Variants in GRIA4 observed in about 807,000 individuals in gnomAD.
GRIA4 encodes the protein glutamate receptor 4.
In GRIA4, 34 loss-of-function variants were observed where a neutral mutation model predicts 104.0. The observed-to-expected ratio is 0.33, with a 90% confidence interval of 0.25 to 0.44. GRIA4 has a LOEUF of 0.44. Among genes scored for constraint, GRIA4 ranks in the 20% least tolerant of loss-of-function variants. The probability of loss-of-function intolerance (pLI) is 1.00; values close to 1 mark genes in which losing one functional copy is unlikely to be tolerated. For synonymous variants in GRIA4, 386 were observed against 381.9 expected, an observed-to-expected ratio of 1.01 and a Z score of -0.13; for missense variants, 750 against 1,096.5, an observed-to-expected ratio of 0.68 and a Z score of 4.46.
chr11:105,804,273 TG>T (rs1233582890), intron 4 of GRIA4, among the ~76,000 whole-genome samples: 2 of 151,960 alleles, frequency 1.3e-5, no homozygotes, highest in Non-Finnish European at 2.9e-5. Flanking sequence ...GCTGTCTTTT[TG>T]TTTTCCGTAA....
At chr11:105,657,221 C>A (rs765829287) in intron 3 of GRIA4, among the ~76,000 whole-genome samples, 21 of 151,964 alleles carry the variant, frequency 1.4e-4, no homozygotes, top group African/African-American at 5.1e-4. Flanking sequence ...ATTAATATAA[C>A]CTTAAGCTTT....
intron 3 of GRIA4, among the ~76,000 whole-genome samples, chr11:105,704,349 A>G (rs1953616279): frequency 6.6e-6 from 1 of 152,086 alleles, no homozygotes; most frequent in African/African-American, 2.4e-5. Flanking sequence ...TGACTAGATA[A>G]GGAGGTAGTG....
intron 4 of GRIA4, among the ~76,000 whole-genome samples, chr11:105,854,740 G>A (rs1400205433): frequency 6.6e-6 from 1 of 152,028 alleles, no homozygotes; most frequent in Non-Finnish European, 1.5e-5. Context: ...GGAATTAATG[G>A]TGACTGTGAT....
At chr11:105,675,902 C>G (rs1952520684) in intron 3 of GRIA4, among the ~76,000 whole-genome samples, 1 of 151,780 alleles carries the variant, frequency 6.6e-6, no homozygotes, top group African/African-American at 2.4e-5. Context: ...GTCTTGAGTT[C>G]TTTCATTTGT....
At chr11:105,935,995 GT>G (rs2136216134) in intron 14 of GRIA4, among the ~76,000 whole-genome samples, 1 of 152,200 alleles carries the variant, frequency 6.6e-6, no homozygotes, top group Non-Finnish European at 1.5e-5. Context: ...TATGCACTTT[GT>G]TTTATATATG....
intron 14 of GRIA4, among the ~76,000 whole-genome samples, chr11:105,938,579 C>T (rs574173365): frequency 5.3e-5 from 8 of 152,138 alleles, no homozygotes; most frequent in African/African-American, 1.7e-4. Flanking sequence ...TTTTTAGTGC[C>T]ATATTAAAAG....
intron 3 of GRIA4, among the ~76,000 whole-genome samples, chr11:105,719,851 T>G (rs1444235959): frequency 6.6e-6 from 1 of 152,010 alleles, no homozygotes; most frequent in Non-Finnish European, 1.5e-5. Context: ...TGTGGTGAGT[T>G]TCCTTTTCTA....
intron 3 of GRIA4, 74 bp from the exon 4 acceptor site, chr11:105,752,907 T>G: frequency 7.2e-7 from 1 of 1,388,728 alleles, no homozygotes; most frequent in African/African-American, 1.4e-5. Context: ...TTTTTAATTT[T>G]CTAGAATGTA....
intron 7 of GRIA4, among the ~76,000 whole-genome samples, chr11:105,899,833 T>C (rs1345913785): frequency 2.0e-5 from 3 of 152,188 alleles, no homozygotes; most frequent in African/African-American, 4.8e-5. Flanking sequence ...AACAGCACCA[T>C]GGTTCATGCC....
rs1460860083 is a variant in GRIA4, at chr11:105,979,677, C to G, written c.2647C>G (p.His883Asp). ...GACGCCTGACTGCCCAAAGGCTGTA[C>G]ACACTGGAACTGCAATCAGACAAAG... ...VLTPDCPKAV[H>D]TGTAIRQSSG... Residue 883 changes from histidine (H) to aspartate (D), a missense_variant, in exon 17 of 17, where the codon CAC becomes GAC. Coordinates refer to ENST00000282499, the MANE Select transcript of GRIA4 (RefSeq NM_000829.4). The G allele has an allele frequency of 1.2e-6, 2 of 1,613,626 alleles. No individual in the cohort carries two copies. Among genetic ancestry groups the G allele is most frequent in the East Asian group, 2.2e-5 (1 of 44,896 alleles).
At chr11:105,690,830 T>C (rs541617560) in intron 3 of GRIA4, among the ~76,000 whole-genome samples, 10 of 152,304 alleles carry the variant, frequency 6.6e-5, no homozygotes, top group African/African-American at 2.4e-4. Flanking sequence ...TTCTGCTCAC[T>C]TTTAATAAAG....
At chr11:105,773,800 T>G (rs1199577992) in intron 4 of GRIA4, among the ~76,000 whole-genome samples, 2 of 151,106 alleles carry the variant, frequency 1.3e-5, no homozygotes, top group African/African-American at 4.9e-5. Context: ...ATACCAAAAA[T>G]TAACAAGATA....
intron 6 of GRIA4, among the ~76,000 whole-genome samples, chr11:105,892,547 C>G (rs778234630): frequency 5.9e-5 from 9 of 152,116 alleles, no homozygotes; most frequent in Non-Finnish European, 1.0e-4. Flanking sequence ...AGCAAAGTGA[C>G]TTGTTTGCAT....
chr11:105,677,927 A>G (rs1952589482), intron 3 of GRIA4, among the ~76,000 whole-genome samples: 1 of 151,996 alleles, frequency 6.6e-6, no homozygotes, highest in Non-Finnish European at 1.5e-5. Flanking sequence ...ATTGTGAAGC[A>G]TATTTGTTTG....
intron 3 of GRIA4, among the ~76,000 whole-genome samples, chr11:105,739,175 T>C (rs1318002084): frequency 6.6e-6 from 1 of 152,140 alleles, no homozygotes. Flanking sequence ...GTGCTGAGTA[T>C]TGCAAATAGC....
intron 3 of GRIA4, among the ~76,000 whole-genome samples, chr11:105,667,838 G>T (rs1276721546): frequency 1.3e-5 from 2 of 151,608 alleles, no homozygotes; most frequent in East Asian, 3.9e-4. Context: ...TTTTAATTTT[G>T]TGGTGAGAAC....
chr11:105,745,736 G>C (rs1291852510), intron 3 of GRIA4, among the ~76,000 whole-genome samples: 1 of 152,136 alleles, frequency 6.6e-6, no homozygotes, highest in Non-Finnish European at 1.5e-5. Context: ...AATATGAGGA[G>C]GACTTTCGCA....
chr11:105,874,504 T>G (rs909352780), intron 5 of GRIA4, among the ~76,000 whole-genome samples: 8 of 152,198 alleles, frequency 5.3e-5, no homozygotes, highest in African/African-American at 1.7e-4. Context: ...TAAATTACAT[T>G]GGGCGGTATG....
At position 105,756,462 on chromosome 11, in the gene GRIA4, C is replaced by A. The variant is rs565017940; in HGVS notation, c.487+3242C>A. Among the ~76,000 whole-genome samples the A allele has an allele frequency of 2.5e-3, 387 of 152,206 alleles. 3 individuals carry two copies. The highest frequency in any genetic ancestry group is 3.3e-3 in the Non-Finnish European group (222 of 68,002). ...TTGACTACTTAAAATTCCCCTGGTT[C>A]ATTTTTTCTTATTAAAAGCAAAATT... On this transcript the variant is annotated intron_variant, in intron 4 of 16. Transcript: ENST00000282499.
Sources: gnomAD v4.1 joint callset for allele counts (sites outside exome capture counted in the v4.1 genomes callset) on GRCh38, gnomAD v4.1.1 for gene constraint, MANE v1.5 for transcripts, NCBI Gene and HGNC (gene_info 2026-07-23, HGNC 2026-07-21) for gene names.